The following DACH1 variants were observed in gnomAD, a reference collection of about 807,000 sequenced individuals.
DACH1 encodes the protein dachshund family transcription factor 1, also known as dachshund homolog 1.
Under a neutral mutation model 54.2 loss-of-function variants are expected in DACH1, and 12 were observed. That is an observed-to-expected ratio of 0.22 (90% CI 0.14 to 0.36). The LOEUF (loss-of-function observed/expected upper bound fraction) is 0.36, where lower values mean the gene tolerates loss of function less well. Among genes scored for constraint, DACH1 ranks in the 10% least tolerant of loss-of-function variants. DACH1 has a pLI of 1.00. For missense variants in DACH1, 805 were observed against 929.8 expected, an observed-to-expected ratio of 0.87 and a Z score of 1.75; for synonymous variants, 386 against 366.2, an observed-to-expected ratio of 1.05 and a Z score of -0.62.
chr13:71,609,687 G>A (rs867432700), intron 3 of DACH1, among the ~76,000 whole-genome samples: 1 of 151,814 alleles, frequency 6.6e-6, no homozygotes, highest in Non-Finnish European at 1.5e-5. Context: ...CAACACGCCC[G>A]GCTAACTTTG....
chr13:71,630,375 T>C (rs1876998990), intron 3 of DACH1, among the ~76,000 whole-genome samples, 181 bp downstream of exon 3: 1 of 152,190 alleles, frequency 6.6e-6, no homozygotes, highest in Non-Finnish European at 1.5e-5. Flanking sequence ...ATTATTCCTT[T>C]AGAATGAACA....
chr13:71,572,246 CACAA>C (rs565714767), intron 4 of DACH1, among the ~76,000 whole-genome samples: 146 of 152,118 alleles, frequency 9.6e-4, no homozygotes, highest in Non-Finnish European at 1.6e-3. Flanking sequence ...ACATACGATG[CACAA>C]ACATACACAC....
rs192042027 is a variant in DACH1 at position 71,718,757 on chromosome 13, C to T, written c.849-36847G>A. Among the ~76,000 whole-genome samples the T allele has an allele frequency of 1.4e-4, 22 of 152,184 alleles. 1 individual carries two copies. The East Asian group carries it at 4.3e-3, about 29-fold the overall frequency. ...CTCTTCTAAAACTGTATTCCCTTCT[C>T]TGTAATCTCCATCACCAAGTAGAGT... On this transcript the variant is annotated intron_variant, in intron 1 of 10. Coordinates refer to ENST00000613252, the MANE Select transcript of DACH1 (RefSeq NM_080759.6).
At position 71,727,812 on chromosome 13, in the gene DACH1, T is replaced by G. The variant is rs113129853; in HGVS notation, c.849-45902A>C. On this transcript the variant is annotated intron_variant, in intron 1 of 10. Coordinates refer to ENST00000613252, the MANE Select transcript of DACH1 (RefSeq NM_080759.6). ...CACTCAATCAGCTGCAAGTATATGCTACTGCACTTTTTGCAGTTCTAAGCA... is the reference window on the plus strand; with the variant it reads ...CACTCAATCAGCTGCAAGTATATGCGACTGCACTTTTTGCAGTTCTAAGCA... Among the ~76,000 whole-genome samples, 267 of 152,224 alleles carry G rather than the reference T, an allele frequency of 1.8e-3. 2 individuals are homozygous for G. The highest frequency in any genetic ancestry group is 5.9e-3 in the African/African-American group (244 of 41,576).
chr13:71,864,215 A>ACAC (rs1555330494), intron 1 of DACH1, among the ~76,000 whole-genome samples: 78 of 67,500 alleles, frequency 1.2e-3, no homozygotes, highest in Admixed American at 4.5e-3. Context: ...ACACACACAC[A>ACAC]ACATTTACCC....
chr13:71,708,852 G>T (rs200641214), intron 1 of DACH1, among the ~76,000 whole-genome samples: 75 of 120,324 alleles, frequency 6.2e-4, no homozygotes, highest in Middle Eastern at 4.9e-3. Context: ...GTTTTTTGTT[G>T]TTTTTTTTTT....
chr13:71,641,965 A>T (rs1215675689), intron 2 of DACH1, among the ~76,000 whole-genome samples: 1 of 152,188 alleles, frequency 6.6e-6, no homozygotes, highest in Non-Finnish European at 1.5e-5. Context: ...TATATTATTC[A>T]CTTCTCTTTT....
intron 10 of DACH1, among the ~76,000 whole-genome samples, chr13:71,447,616 G>A (rs1353260810): frequency 2.6e-5 from 4 of 151,874 alleles, no homozygotes; most frequent in South Asian, 4.2e-4. Flanking sequence ...GGTGGATCAC[G>A]AGGTCAGGAA....
intron 1 of DACH1, among the ~76,000 whole-genome samples, chr13:71,818,564 C>G (rs939526172): frequency 6.6e-6 from 1 of 152,160 alleles, no homozygotes; most frequent in African/African-American, 2.4e-5. Context: ...GACCCTTGTC[C>G]AAATCACCAT....
rs955974449 is a variant in DACH1, at chr13:71,440,816, T to TAAC, written c.2084-127_2084-125dup. ...ATTAGATCTTTACTTGGTTAAGAAG[T>TAAC]AACATTTTTCATATCTTCTCAAAGT... On this transcript the variant is annotated intron_variant, in intron 10 of 10. Transcript: ENST00000613252. 64 of 704,038 alleles carry TAAC rather than the reference T, an allele frequency of 9.1e-5. 1 individual carries two copies. Among genetic ancestry groups the TAAC allele is most frequent in the Non-Finnish European group, 1.4e-5 (6 of 425,846 alleles). The allele number at this position is 704,038 out of a possible 1,614,324, so 43.6% of individuals were successfully genotyped here. A position where few individuals can be genotyped will look rare whatever the true frequency, so the allele number is the denominator to read the frequency against.
At chr13:71,623,200 G>A (rs1876373458) in intron 3 of DACH1, among the ~76,000 whole-genome samples, 1 of 151,460 alleles carries the variant, frequency 6.6e-6, no homozygotes, top group African/African-American at 2.4e-5. Flanking sequence ...CATCATTAAT[G>A]TTTCTATTCC....
intron 1 of DACH1, among the ~76,000 whole-genome samples, chr13:71,744,753 A>G (rs902182136): frequency 6.6e-6 from 1 of 152,196 alleles, no homozygotes; most frequent in Admixed American, 6.5e-5. Flanking sequence ...ATTTTATGAG[A>G]ATCCATACAA....
chr13:71,715,824 C>A (rs528127964), intron 1 of DACH1, among the ~76,000 whole-genome samples: 22 of 151,902 alleles, frequency 1.4e-4, no homozygotes, highest in African/African-American at 4.8e-4. Context: ...AAAATCTATA[C>A]CCCTCAAATA....
At chr13:71,645,575 G>T (rs547052966) in intron 2 of DACH1, among the ~76,000 whole-genome samples, 5 of 152,230 alleles carry the variant, frequency 3.3e-5, no homozygotes, top group African/African-American at 1.2e-4. Context: ...TGGGAAAGTT[G>T]TGCTACAGTA....
chr13:71,440,884 G>T (rs1593697815), intron 10 of DACH1, among the ~76,000 whole-genome samples, 192 bp from the exon 11 acceptor site: 1 of 151,962 alleles, frequency 6.6e-6, no homozygotes, highest in South Asian at 2.1e-4. Context: ...TGACTGAAAA[G>T]AATACAGCAT....
At chr13:71,813,412 C>G (rs891373750) in intron 1 of DACH1, among the ~76,000 whole-genome samples, 2 of 152,082 alleles carry the variant, frequency 1.3e-5, no homozygotes. Flanking sequence ...GTGAGTCAGA[C>G]CCAAGAGTTC....
At chr13:71,630,486 T>C in intron 3 of DACH1, 70 bp downstream of exon 3, 1 of 1,466,968 alleles carries the variant, frequency 6.8e-7, no homozygotes, top group South Asian at 1.6e-5. Flanking sequence ...ACAGTTTTGT[T>C]CTGGAAAAGC....
intron 2 of DACH1, among the ~76,000 whole-genome samples, chr13:71,656,042 T>A (rs1879070579): frequency 6.6e-6 from 1 of 152,228 alleles, no homozygotes; most frequent in African/African-American, 2.4e-5. Flanking sequence ...AAGGTTATCA[T>A]TAGCAAGTTT....
At chr13:71,864,180 T>TACACACACACACACACACAC (rs55651625) in intron 1 of DACH1, among the ~76,000 whole-genome samples, 74 of 108,500 alleles carry the variant, frequency 6.8e-4, no homozygotes, top group African/African-American at 2.6e-3. Context: ...CGCGCGCACA[T>TACACACACACACACACACAC]ACACACACAC....
Sources: allele counts gnomAD v4.1 joint callset (sites outside exome capture counted in the v4.1 genomes callset), GRCh38; gene constraint gnomAD v4.1.1; transcripts MANE v1.5; gene names NCBI Gene and HGNC (gene_info 2026-07-23, HGNC 2026-07-21).